The following THRB variants were observed in gnomAD, a reference collection of about 807,000 sequenced individuals.
THRB encodes the protein nuclear receptor subfamily 1 group A member 2.
THRB carries 12 observed loss-of-function variants against 47.8 expected under a neutral mutation model. The ratio of observed to expected loss-of-function variants is 0.25; its 90% CI spans 0.16 to 0.41. The LOEUF (loss-of-function observed/expected upper bound fraction) is 0.41, where lower values mean the gene tolerates loss of function less well. THRB is among the 10% of genes least tolerant of loss of function. The pLI is 1.00. For synonymous variants in THRB, 218 were observed against 212.2 expected (o/e 1.03, Z -0.24); for missense variants, 348 against 589.2 (o/e 0.59, Z 4.24).
At chr3:24,237,318 T>C (rs557041434) in intron 3 of THRB, among the ~76,000 whole-genome samples, 51 of 152,312 alleles carry the variant, frequency 3.3e-4, no homozygotes, top group African/African-American at 1.1e-3. Context: ...CTGTAAGTGT[T>C]TTGCCGTCAG....
intron 8 of THRB, among the ~76,000 whole-genome samples, chr3:24,136,856 C>G (rs1032873453): frequency 5.9e-5 from 9 of 152,200 alleles, no homozygotes; most frequent in African/African-American, 2.2e-4. Flanking sequence ...CTATGTCTCC[C>G]CTACAGCTTG....
At chr3:24,172,667 T>C (rs2040585139) in intron 5 of THRB, among the ~76,000 whole-genome samples, 1 of 151,980 alleles carries the variant, frequency 6.6e-6, no homozygotes, top group Non-Finnish European at 1.5e-5. Context: ...TCTGGTGCAG[T>C]GGAAAAAAAT....
intron 2 of THRB, among the ~76,000 whole-genome samples, chr3:24,314,794 T>C (rs561559572): frequency 7.2e-5 from 11 of 152,270 alleles, no homozygotes; most frequent in Admixed American, 6.5e-4. Context: ...TCCCCTCAAG[T>C]ATGGTACTCG....
intron 1 of THRB, among the ~76,000 whole-genome samples, chr3:24,443,126 G>A (rs540630050): frequency 3.8e-4 from 58 of 151,790 alleles, no homozygotes; most frequent in Non-Finnish European, 5.9e-5. Flanking sequence ...AGATTGCAAT[G>A]AGCCGAGATC....
intron 5 of THRB, among the ~76,000 whole-genome samples, chr3:24,165,995 T>C (rs2039598771): frequency 6.6e-6 from 1 of 152,210 alleles, no homozygotes; most frequent in African/African-American, 2.4e-5. Context: ...GTGCAAATAT[T>C]GGTGGTTGAA....
intron 3 of THRB, among the ~76,000 whole-genome samples, chr3:24,289,239 G>A (rs2055669378): frequency 6.6e-6 from 1 of 152,148 alleles, no homozygotes; most frequent in Non-Finnish European, 1.5e-5. Context: ...GCACCAACAA[G>A]ATCTTTAGGT....
chr3:24,308,844 T>C (rs1354345543), intron 2 of THRB, among the ~76,000 whole-genome samples: 1 of 152,212 alleles, frequency 6.6e-6, no homozygotes, highest in Admixed American at 6.5e-5. Flanking sequence ...ATGGAATAGG[T>C]GCATGTTCCC....
chr3:24,224,963 G>T (rs1187657579), intron 4 of THRB, among the ~76,000 whole-genome samples: 4 of 152,140 alleles, frequency 2.6e-5, no homozygotes, highest in African/African-American at 9.7e-5. Context: ...GCCCTATGCT[G>T]TTGATCATGG....
chr3:24,417,839 A>G (rs1386464835), intron 1 of THRB, among the ~76,000 whole-genome samples: 1 of 151,870 alleles, frequency 6.6e-6, no homozygotes, highest in Non-Finnish European at 1.5e-5. Flanking sequence ...TTCTATCCTT[A>G]TCCAGATTCA....
chr3:24,451,531 G>C (rs550002959), intron 1 of THRB, among the ~76,000 whole-genome samples: 7 of 152,074 alleles, frequency 4.6e-5, no homozygotes, highest in Non-Finnish European at 1.0e-4. Context: ...CACCACGCCC[G>C]GCCTACATGT....
At chr3:24,377,357 G>A (rs1394988904) in intron 1 of THRB, among the ~76,000 whole-genome samples, 2 of 152,046 alleles carry the variant, frequency 1.3e-5, no homozygotes, top group African/African-American at 4.8e-5. Context: ...ACAGGGAGGG[G>A]CACATGACCC....
At chr3:24,486,031 C>G (rs538391540) in intron 1 of THRB, among the ~76,000 whole-genome samples, 3 of 152,274 alleles carry the variant, frequency 2.0e-5, no homozygotes, top group Admixed American at 2.0e-4. Flanking sequence ...GCCCCAGTTC[C>G]AAACGTCTAC....
At chr3:24,491,404 T>C (rs914481312) in intron 1 of THRB, among the ~76,000 whole-genome samples, 2 of 152,226 alleles carry the variant, frequency 1.3e-5, no homozygotes, top group Admixed American at 6.5e-5. Flanking sequence ...AATTTGAAGA[T>C]GACTCCTTTG....
intron 8 of THRB, among the ~76,000 whole-genome samples, chr3:24,138,150 T>G (rs999093967): frequency 6.6e-6 from 1 of 152,094 alleles, no homozygotes; most frequent in Admixed American, 6.5e-5. Context: ...CCAGCTGACC[T>G]CTGCTGAGTC....
At chr3:24,216,913 A>G (rs534472631) in intron 4 of THRB, among the ~76,000 whole-genome samples, 1 of 152,140 alleles carries the variant, frequency 6.6e-6, no homozygotes, top group South Asian at 2.1e-4. Context: ...ATTTACATAG[A>G]AATCTTTGAA....
intron 4 of THRB, among the ~76,000 whole-genome samples, chr3:24,213,823 A>G (rs373354296): frequency 1.3e-5 from 2 of 152,302 alleles, no homozygotes; most frequent in East Asian, 3.9e-4. Context: ...GCATTTGGTT[A>G]ATGGGGAATG....
At chr3:24,171,399 C>T (rs965094244) in intron 5 of THRB, among the ~76,000 whole-genome samples, 6 of 152,170 alleles carry the variant, frequency 3.9e-5, no homozygotes, top group Middle Eastern at 3.2e-3. Context: ...TCCCTCCAGA[C>T]GCTAACACAT....
At chr3:24,357,173 C>G (rs1577070644) in intron 1 of THRB, among the ~76,000 whole-genome samples, 1 of 149,164 alleles carries the variant, frequency 6.7e-6, no homozygotes, top group Admixed American at 6.7e-5. Context: ...TTTTGTCCCC[C>G]AAAATGAACA....
chr3:24,428,169 G>C (rs914194958), intron 1 of THRB, among the ~76,000 whole-genome samples: 1 of 151,976 alleles, frequency 6.6e-6, no homozygotes, highest in Non-Finnish European at 1.5e-5. Context: ...CATGTGACTG[G>C]AAGGAATTAA....
Sources: gnomAD v4.1 joint callset for allele counts (sites outside exome capture counted in the v4.1 genomes callset) on GRCh38, gnomAD v4.1.1 for gene constraint, MANE v1.5 for transcripts, NCBI Gene and HGNC (gene_info 2026-07-23, HGNC 2026-07-21) for gene names.